FAF1: variants seen among roughly 807,000 people sequenced by gnomAD.
FAF1 encodes the protein FAS-associated factor 1.
Under a neutral mutation model 92.5 loss-of-function variants are expected in FAF1, and 25 were observed. The observed-to-expected ratio is 0.27, with a 90% CI of 0.20 to 0.38. The LOEUF (loss-of-function observed/expected upper bound fraction) is 0.38, where lower values mean the gene tolerates loss of function less well. Among genes scored for constraint, FAF1 ranks in the 10% least tolerant of loss-of-function variants. The pLI is 1.00. For synonymous variants in FAF1, 234 were observed against 273.2 expected (o/e 0.86, Z 1.42); for missense variants, 636 against 793.3 (o/e 0.80, Z 2.38).
chr1:50,857,500 C>A (rs1464865341), intron 2 of FAF1, among the ~76,000 whole-genome samples: 1 of 151,740 alleles, frequency 6.6e-6, no homozygotes, highest in Non-Finnish European at 1.5e-5. Context: ...CTATAATATA[C>A]TGCCTGAAGT....
At position 50,938,898 on chromosome 1, in the gene FAF1, G is replaced by A. The variant is rs547821617; in HGVS notation, c.45+20869C>T. On this transcript the variant is annotated intron_variant, in intron 1 of 18. Transcript: ENST00000396153. Reference sequence around the variant, plus strand: ...GTAGAAGTGCAACTTTTATTTCTGAGTTTTCTATTCTGTTCCATTGGTCTA... The same window carrying A: ...GTAGAAGTGCAACTTTTATTTCTGAATTTTCTATTCTGTTCCATTGGTCTA... 1.1e-4 allele frequency among the ~76,000 whole-genome samples: 16 copies of A among 152,210 alleles called. No individual in the cohort carries two copies. In the East Asian group the frequency reaches 2.3e-3, roughly 22 times the overall value.
chr1:50,679,821 CT>C (rs1202612840), intron 7 of FAF1, among the ~76,000 whole-genome samples: 1 of 152,190 alleles, frequency 6.6e-6, no homozygotes, highest in Admixed American at 6.5e-5. Flanking sequence ...TAAATCACTT[CT>C]GTACATGCAT....
At chr1:50,784,839 T>C (rs1365059192) in intron 4 of FAF1, among the ~76,000 whole-genome samples, 1 of 152,066 alleles carries the variant, frequency 6.6e-6, no homozygotes, top group Non-Finnish European at 1.5e-5. Context: ...ACACACCAAC[T>C]AATAGAACAA....
rs752054113 is a variant in FAF1, at chr1:50,490,033, GA to G, written c.1653+554del. 7.2e-5 allele frequency among the ~76,000 whole-genome samples: 11 copies of G among 152,256 alleles called. No homozygotes were observed. In the East Asian group the frequency reaches 1.9e-3, roughly 27 times the overall value. ...GTCTTCCATACTAAAATGAGTCTAG[GA>G]AAAGTAGAGAGAAATAAGTTGTAAG... is the stretch of plus-strand genomic sequence containing the variant. On this transcript the variant is annotated intron_variant, in intron 17 of 18. Transcript: ENST00000396153.
At chr1:50,860,491 T>C (rs1160071448) in intron 1 of FAF1, among the ~76,000 whole-genome samples, 2 of 151,552 alleles carry the variant, frequency 1.3e-5, no homozygotes, top group Non-Finnish European at 3.0e-5. Context: ...CCAACAAACA[T>C]GAAAAAATGT....
At chr1:50,496,354 A>G (rs115639545) in intron 15 of FAF1, among the ~76,000 whole-genome samples, 3,572 of 152,314 alleles carry the variant, frequency 0.023, 48 homozygotes, top group Non-Finnish European at 0.037. Flanking sequence ...CAATATAAAT[A>G]CTTAGAGATA....
chr1:50,665,623 C>T (rs114987353), intron 7 of FAF1, among the ~76,000 whole-genome samples: 1 of 152,164 alleles, frequency 6.6e-6, no homozygotes, highest in Non-Finnish European at 1.5e-5. Flanking sequence ...CATATTTTCT[C>T]TGGCTGTTTT....
At chr1:50,516,513 G>T (rs1270677729) in intron 15 of FAF1, among the ~76,000 whole-genome samples, 1 of 152,158 alleles carries the variant, frequency 6.6e-6, no homozygotes, top group East Asian at 1.9e-4. Context: ...TACCAAGCAC[G>T]CATTTTACCA....
chr1:50,883,037 G>C (rs1644627111), intron 1 of FAF1, among the ~76,000 whole-genome samples: 1 of 149,698 alleles, frequency 6.7e-6, no homozygotes, highest in African/African-American at 2.5e-5. Flanking sequence ...ATGCAGCTTA[G>C]AGATCTAAAA....
rs183742607 is a variant in FAF1, at chr1:50,844,667, C to T, written c.114+13262G>A. Among the ~76,000 whole-genome samples, 6 of 151,654 alleles carry T rather than the reference C, an allele frequency of 4.0e-5. No homozygotes were observed. In the East Asian group the frequency reaches 1.2e-3, roughly 29 times the overall value. ...TTCGGGAAAAATGAATACAAAGAAT[C>T]TGGAAGATAATGTGAAGGTAGCAGT... On this transcript the variant is annotated intron_variant, in intron 2 of 18. Coordinates refer to ENST00000396153, the MANE Select transcript of FAF1 (RefSeq NM_007051.3).
At chr1:50,606,174 A>T (rs1652378921) in intron 8 of FAF1, among the ~76,000 whole-genome samples, 1 of 152,202 alleles carries the variant, frequency 6.6e-6, no homozygotes. Flanking sequence ...TGCAATGCCC[A>T]ATTATTTTTA....
chr1:50,581,647 T>C (rs1029840590), intron 12 of FAF1, among the ~76,000 whole-genome samples: 4 of 152,052 alleles, frequency 2.6e-5, no homozygotes, highest in Admixed American at 1.3e-4. Flanking sequence ...GGTTTTTCAC[T>C]GGGAAGTGCT....
At chr1:50,903,092 T>C (rs1644809145) in intron 1 of FAF1, among the ~76,000 whole-genome samples, 1 of 152,170 alleles carries the variant, frequency 6.6e-6, no homozygotes, top group Admixed American at 6.5e-5. Context: ...TCTTATCTCT[T>C]GAAATGTAGG....
intron 12 of FAF1, among the ~76,000 whole-genome samples, chr1:50,580,771 G>T (rs1650954107): frequency 6.6e-6 from 1 of 152,056 alleles, no homozygotes; most frequent in African/African-American, 2.4e-5. Context: ...TTGCTTTTCG[G>T]TATTTTCTTT....
Position 50,916,809 on chromosome 1 carries a change from T to G in FAF1, c.45+42958A>C, listed in dbSNP as rs531679263. On this transcript the variant is annotated intron_variant, in intron 1 of 18. Transcript: ENST00000396153. ...TTATTAGCAAAGGACAGAATTAATG[T>G]CAATAAGTAAGTAAAGACAGTATCT... 7.2e-5 allele frequency among the ~76,000 whole-genome samples: 11 copies of G among 152,272 alleles called. No homozygotes were observed. The South Asian group carries it at 2.3e-3, about 32-fold the overall frequency.
Position 50,531,659 on chromosome 1 carries a change from A to G in FAF1, c.1494+3710T>C, listed in dbSNP as rs1324723491. Reference sequence around the variant, plus strand: ...TTTGTAAACCTTTACAAAACCAAATACTACTAATGAAAATGTCTAAGAGAG... The same window carrying G: ...TTTGTAAACCTTTACAAAACCAAATGCTACTAATGAAAATGTCTAAGAGAG... On this transcript the variant is annotated intron_variant, in intron 15 of 18. Transcript: ENST00000396153. Among the ~76,000 whole-genome samples the G allele has an allele frequency of 3.3e-5, 5 of 152,140 alleles. No individual in the cohort carries two copies. The East Asian group carries it at 9.6e-4, about 29-fold the overall frequency.
At chr1:50,609,015 T>C (rs1481709978) in intron 8 of FAF1, among the ~76,000 whole-genome samples, 1 of 152,226 alleles carries the variant, frequency 6.6e-6, no homozygotes, top group African/African-American at 2.4e-5. Context: ...TAAATCACTC[T>C]GGGGGAACAG....
chr1:50,513,675 C>T (rs1162931617), intron 15 of FAF1, among the ~76,000 whole-genome samples: 3 of 152,160 alleles, frequency 2.0e-5, no homozygotes, highest in East Asian at 3.8e-4. Flanking sequence ...TATCCTCCTA[C>T]CTATATTTTT....
intron 3 of FAF1, among the ~76,000 whole-genome samples, chr1:50,792,976 TTTTTTGTTTG>T: frequency 6.6e-6 from 1 of 152,154 alleles, no homozygotes; most frequent in South Asian, 2.1e-4. Flanking sequence ...GAGCATGGGT[TTTTTTGTTTG>T]TTTTTGTTTG....
Sources: gnomAD v4.1 joint callset for allele counts (sites outside exome capture counted in the v4.1 genomes callset) on GRCh38, gnomAD v4.1.1 for gene constraint, MANE v1.5 for transcripts, NCBI Gene and HGNC (gene_info 2026-07-23, HGNC 2026-07-21) for gene names.